The following BMPR1A variants were observed in gnomAD, a reference collection of about 807,000 sequenced individuals.
BMPR1A encodes bone morphogenetic protein receptor type 1A, also known as bone morphogenetic protein receptor type-1A.
A neutral mutation model predicts 66.0 loss-of-function variants in BMPR1A; 7 were observed. The ratio of observed to expected loss-of-function variants is 0.11; its 90% CI spans 0.06 to 0.20. The LOEUF is 0.20. BMPR1A is among the 10% of genes least tolerant of loss of function. The probability of loss-of-function intolerance (pLI) is 1.00; values close to 1 mark genes in which losing one functional copy is unlikely to be tolerated. For missense variants in BMPR1A, 408 were observed against 669.1 expected, an observed-to-expected ratio of 0.61 and a Z score of 4.31; for synonymous variants, 200 against 229.7, an observed-to-expected ratio of 0.87 and a Z score of 1.17.
intron 3 of BMPR1A, 78 bp downstream of exon 3, chr10:86,876,163 C>A: frequency 1.4e-6 from 2 of 1,383,774 alleles, no homozygotes; most frequent in Non-Finnish European, 1.0e-6. Context: ...TTCAACTCAT[C>A]CCTGTTTGAA....
chr10:86,856,343 T>C (rs1366770152), intron 2 of BMPR1A: 2 of 407,246 alleles, frequency 4.9e-6, no homozygotes, highest in Admixed American at 3.2e-5. Flanking sequence ...CAGTCAGCCA[T>C]GGGAGAGAGT....
chr10:86,892,160 A>T lies in BMPR1A; in HGVS notation c.264A>T (p.Glu88Asp). 6.2e-7 allele frequency: 1 copy of T among 1,613,820 alleles called. No homozygotes were observed. Among genetic ancestry groups the T allele is most frequent in the South Asian group, 1.1e-5 (1 of 91,080 alleles). Residue 88 changes from glutamate (E) to aspartate (D), a missense_variant, in exon 5 of 13, where the codon GAA (glutamate) becomes GAT (aspartate). Physicochemically the swap from Glu to Asp is conservative, Grantham distance 45. Transcript: ENST00000372037. ...GACATTGCTTTGCCATCATAGAAGA[A>T]GATGACCAGGGAGAAACCACATTAG... ...TNGHCFAIIE[E>D]DDQGETTLAS...
intron 2 of BMPR1A, among the ~76,000 whole-genome samples, chr10:86,869,703 G>A (rs941931629): frequency 6.6e-6 from 1 of 152,010 alleles, no homozygotes; most frequent in African/African-American, 2.4e-5. Context: ...GTTGCGGTGA[G>A]CTGAGATGGC....
intron 2 of BMPR1A, among the ~76,000 whole-genome samples, chr10:86,866,149 G>A (rs1311736537): frequency 6.6e-6 from 1 of 151,916 alleles, no homozygotes; most frequent in Non-Finnish European, 1.5e-5. Flanking sequence ...GGAACCAGCT[G>A]GTGAAGGACA....
rs750294502 is a variant in BMPR1A, at chr10:86,850,627, T to TTTG, written c.-153+11666_-153+11668dup. ...CTAGTCCTTTAATTTAGCTCAAAGT[T>TTTG]TTGTTGTTGTTGTTGTTGTTTTGAG... On this transcript the variant is annotated intron_variant, in intron 2 of 12. Transcript: ENST00000372037. Among the ~76,000 whole-genome samples, 111 of 152,086 alleles carry TTTG rather than the reference T, an allele frequency of 7.3e-4. 2 individuals carry two copies. Among genetic ancestry groups the TTTG allele is most frequent in the Middle Eastern group, 3.4e-3 (1 of 294 alleles).
intron 1 of BMPR1A, among the ~76,000 whole-genome samples, chr10:86,785,381 C>G (rs1841500563): frequency 6.6e-6 from 1 of 152,228 alleles, no homozygotes; most frequent in Non-Finnish European, 1.5e-5. Context: ...ACTCAGCCCA[C>G]CGCAATCTGC....
At chr10:86,846,283 T>C (rs1842484144) in intron 2 of BMPR1A, among the ~76,000 whole-genome samples, 1 of 152,156 alleles carries the variant, frequency 6.6e-6, no homozygotes, top group Admixed American at 6.5e-5. Flanking sequence ...GTTGGGCCTA[T>C]GTAGAGCCTT....
At chr10:86,851,895 G>A (rs1400041481) in intron 2 of BMPR1A, among the ~76,000 whole-genome samples, 1 of 152,134 alleles carries the variant, frequency 6.6e-6, no homozygotes, top group East Asian at 1.9e-4. Flanking sequence ...ATATTTTTTA[G>A]GTTTTTAAGC....
chr10:86,899,649 A>T (rs990228780), intron 5 of BMPR1A, 145 bp from the exon 6 acceptor site: 5 of 842,460 alleles, frequency 5.9e-6, no homozygotes, highest in Non-Finnish European at 9.2e-6. Flanking sequence ...CACAAATTTT[A>T]ATCTTTCAAT....
At chr10:86,757,698 G>A (rs1305375312) in intron 1 of BMPR1A, among the ~76,000 whole-genome samples, 3 of 152,214 alleles carry the variant, frequency 2.0e-5, no homozygotes, top group Non-Finnish European at 2.9e-5. Flanking sequence ...ACTGTTCAGA[G>A]TACATAGTAT....
At chr10:86,873,396 C>G (rs559660309) in intron 2 of BMPR1A, among the ~76,000 whole-genome samples, 1 of 151,386 alleles carries the variant, frequency 6.6e-6, no homozygotes, top group African/African-American at 2.4e-5. Flanking sequence ...GAGACCAGCC[C>G]AGGCAACATA....
At chr10:86,854,875 C>A in intron 2 of BMPR1A, 1 of 234,660 alleles carries the variant, frequency 4.3e-6, no homozygotes, top group Non-Finnish European at 9.2e-6. Context: ...TCCCTCCAGG[C>A]AGGGGAATGA....
chr10:86,835,091 T>G (rs1361895225), intron 1 of BMPR1A, among the ~76,000 whole-genome samples: 5 of 151,836 alleles, frequency 3.3e-5, no homozygotes, highest in Non-Finnish European at 5.9e-5. Context: ...TAATCTTAAA[T>G]TTTGGCTTAG....
chr10:86,812,501 A>G (rs1841985007), intron 1 of BMPR1A, among the ~76,000 whole-genome samples: 1 of 152,186 alleles, frequency 6.6e-6, no homozygotes, highest in Admixed American at 6.6e-5. Context: ...TCTTGCTTGC[A>G]CATAGGTTAC....
At position 86,921,337 on chromosome 10, in the gene BMPR1A, A is replaced by T. The variant is rs45579943; in HGVS notation, c.1167-183A>T. Reference sequence around the variant, plus strand: ...GAGTTGGATTAAGAGTGCTGCCCCAACCCTGCTGAGGATGTCATGTAGTAT... The same window carrying T: ...GAGTTGGATTAAGAGTGCTGCCCCATCCCTGCTGAGGATGTCATGTAGTAT... On this transcript the variant is annotated intron_variant, in intron 10 of 12. Coordinates refer to ENST00000372037, the MANE Select transcript of BMPR1A (RefSeq NM_004329.3). 8.7e-3 allele frequency among the ~76,000 whole-genome samples: 1,323 copies of T among 152,212 alleles called. 26 individuals are homozygous for T. The highest frequency in any genetic ancestry group is 0.081 in the South Asian group (392 of 4,818).
intron 1 of BMPR1A, among the ~76,000 whole-genome samples, chr10:86,803,004 CAAAAA>C (rs59957238): frequency 1.3e-5 from 1 of 75,950 alleles, no homozygotes; most frequent in African/African-American, 4.7e-5. Context: ...GACCCGGTCT[CAAAAA>C]AAAAAAAAAA....
At chr10:86,836,863 G>GT (rs1222493040) in intron 1 of BMPR1A, among the ~76,000 whole-genome samples, 1 of 152,202 alleles carries the variant, frequency 6.6e-6, no homozygotes, top group African/African-American at 2.4e-5. Flanking sequence ...AGCCCAGGAG[G>GT]TGGAGGCTGC....
intron 3 of BMPR1A, among the ~76,000 whole-genome samples, chr10:86,887,001 T>C (rs1843075823): frequency 6.6e-6 from 1 of 152,048 alleles, no homozygotes; most frequent in South Asian, 2.1e-4. Context: ...CAGCTAATTT[T>C]TTAATATTTT....
At chr10:86,885,992 T>G (rs151108414) in intron 3 of BMPR1A, among the ~76,000 whole-genome samples, 66 of 152,348 alleles carry the variant, frequency 4.3e-4, no homozygotes, top group African/African-American at 1.6e-3. Flanking sequence ...ACTGTTTGTC[T>G]CTTTGTATGT....
Sources: allele counts gnomAD v4.1 joint callset (sites outside exome capture counted in the v4.1 genomes callset), GRCh38; gene constraint gnomAD v4.1.1; transcripts MANE v1.5; gene names NCBI Gene and HGNC (gene_info 2026-07-23, HGNC 2026-07-21).